The following WWC2 variants were observed in gnomAD, a reference collection of about 807,000 sequenced individuals.
WWC2 encodes the protein protein WWC2.
In WWC2, 101 loss-of-function variants were observed where a neutral mutation model predicts 138.5. That is an observed-to-expected ratio of 0.73 (90% CI 0.62 to 0.86). The LOEUF is 0.86. Among genes scored for constraint, WWC2 ranks in the 40% least tolerant of loss-of-function variants. The pLI is 0.00. For missense variants in WWC2, 1,420 were observed against 1,419.4 expected (o/e 1.00, Z -0.01); for synonymous variants, 558 against 538.4 (o/e 1.04, Z -0.50).
intron 1 of WWC2, among the ~76,000 whole-genome samples, chr4:183,113,654 C>T (rs978412899): frequency 2.6e-5 from 4 of 152,030 alleles, no homozygotes. Context: ...TCTGCAGCCT[C>T]CCAAAGTGCT....
At chr4:183,268,851 G>C (rs1411270170) in intron 14 of WWC2, 120 bp from the exon 15 acceptor site, 2 of 1,108,932 alleles carry the variant, frequency 1.8e-6, no homozygotes, top group Non-Finnish European at 2.6e-6. Flanking sequence ...CAACACTTTA[G>C]ATTGATCTTG....
At chr4:183,287,813 G>A (rs1738307375) in intron 20 of WWC2, among the ~76,000 whole-genome samples, 1 of 152,170 alleles carries the variant, frequency 6.6e-6, no homozygotes, top group Non-Finnish European at 1.5e-5. Flanking sequence ...GCTCACAAGA[G>A]CCAATTGTGC....
intron 21 of WWC2, among the ~76,000 whole-genome samples, chr4:183,309,248 G>A (rs74433229): frequency 0.02 from 3,048 of 152,172 alleles, 91 homozygotes; most frequent in African/African-American, 0.069. Context: ...GCTGGACTTC[G>A]TTATAATTTA....
intron 14 of WWC2, 106 bp from the exon 15 acceptor site, chr4:183,268,865 T>G (rs967496164): frequency 1.3e-5 from 16 of 1,211,292 alleles, no homozygotes; most frequent in South Asian, 1.3e-4. Flanking sequence ...GATCTTGAAC[T>G]CCACGATCCC....
intron 9 of WWC2, among the ~76,000 whole-genome samples, chr4:183,255,291 G>A (rs898730777): frequency 6.6e-6 from 1 of 152,188 alleles, no homozygotes; most frequent in African/African-American, 2.4e-5. Flanking sequence ...AGCCAGGCTG[G>A]CAAAGCAAGG....
chr4:183,099,709 G>T (rs1743100760), intron 1 of WWC2, 87 bp downstream of exon 1: 1 of 1,140,068 alleles, frequency 8.8e-7, no homozygotes. Flanking sequence ...CTGGGGCGGC[G>T]CCGGCCCGCG....
At chr4:183,238,337 T>A (rs1039239129) in intron 4 of WWC2, among the ~76,000 whole-genome samples, 2 of 152,160 alleles carry the variant, frequency 1.3e-5, no homozygotes, top group African/African-American at 4.8e-5. Context: ...CCTCTGGCTC[T>A]TGCCCACATG....
Position 183,261,065 on chromosome 4 carries a change from A to G in WWC2, c.1442A>G (p.Asp481Gly). ...AGTCAAAGTGATCAGATAGATGTGG[A>G]TTATCAGTATAAACTGGACTTCCTT... ...YSSQSDQIDV[D>G]YQYKLDFLLQ... is the part of the protein sequence containing the mutation. Residue 481 changes from aspartate (D) to glycine (G), a missense_variant, in exon 11 of 23, where the codon GAT becomes GGT. Physicochemically the swap from Asp to Gly is moderately conservative, Grantham distance 94 (BLOSUM62 -1). Transcript: ENST00000403733. 6.2e-7 allele frequency: 1 copy of G among 1,613,994 alleles called. No homozygotes were observed. The highest frequency in any genetic ancestry group is 1.1e-5 in the South Asian group (1 of 91,078).
intron 1 of WWC2, among the ~76,000 whole-genome samples, chr4:183,133,688 G>A (rs781013856): frequency 3.5e-4 from 54 of 152,148 alleles, no homozygotes; most frequent in Non-Finnish European, 6.9e-4. Flanking sequence ...GTAGAGACGG[G>A]GTTTCACCGT....
At position 183,209,007 on chromosome 4, in the gene WWC2, C is replaced by A; in HGVS notation, c.504C>A (p.Ile168=). The change falls in exon 4 of 23, where the codon ATC becomes ATA. Residue 168 remains isoleucine (I), a synonymous_variant. Transcript: ENST00000403733. The part of the protein sequence containing the change: ...KYDPDILKAE[I]STTRLRVKKL... ...ATCCCGATATTTTAAAAGCTGAGAT[C>A]TCCACTACAAGATTAAGGGTAAGAA... 1 of 1,571,960 alleles carries A rather than the reference C, an allele frequency of 6.4e-7. No homozygotes were observed. The highest frequency in any genetic ancestry group is 8.7e-7 in the Non-Finnish European group (1 of 1,155,840).
intron 16 of WWC2, 21 bp from the exon 17 acceptor site, chr4:183,280,755 C>T (rs765127190): frequency 1.0e-5 from 16 of 1,589,674 alleles, no homozygotes; most frequent in South Asian, 3.4e-5. Context: ...TGTTAATTGC[C>T]GTATGCTTTA....
chr4:183,242,468 G>A (rs1010206157), intron 5 of WWC2, among the ~76,000 whole-genome samples: 1 of 152,124 alleles, frequency 6.6e-6, no homozygotes, highest in Non-Finnish European at 1.5e-5. Flanking sequence ...TGTTCTCTAC[G>A]TTATTCATTT....
At chr4:183,154,697 A>G (rs574003689) in intron 1 of WWC2, among the ~76,000 whole-genome samples, 1 of 152,336 alleles carries the variant, frequency 6.6e-6, no homozygotes, top group South Asian at 2.1e-4. Flanking sequence ...TCTTCTGTCT[A>G]TGGTGGCATT....
At chr4:183,151,752 A>C (rs889579093) in intron 1 of WWC2, among the ~76,000 whole-genome samples, 25 of 152,254 alleles carry the variant, frequency 1.6e-4, no homozygotes, top group African/African-American at 4.1e-4. Flanking sequence ...TCAGCTTTCT[A>C]CATATGGCTA....
intron 1 of WWC2, among the ~76,000 whole-genome samples, chr4:183,142,310 A>G (rs746651025): frequency 2.0e-5 from 3 of 152,150 alleles, no homozygotes; most frequent in Non-Finnish European, 2.9e-5. Flanking sequence ...TGCAATACAC[A>G]TTTTCCTGTC....
At chr4:183,289,662 G>C (rs769315452) in intron 21 of WWC2, 27 bp downstream of exon 21, 1 of 1,607,516 alleles carries the variant, frequency 6.2e-7, no homozygotes, top group Non-Finnish European at 8.5e-7. Context: ...CTGTCATCTC[G>C]GAGGGGCTTA....
chr4:183,290,827 C>T (rs1324683114), intron 21 of WWC2, among the ~76,000 whole-genome samples: 1 of 152,184 alleles, frequency 6.6e-6, no homozygotes, highest in Non-Finnish European at 1.5e-5. Flanking sequence ...ATAAACTGCT[C>T]TTTTTGACCC....
intron 1 of WWC2, among the ~76,000 whole-genome samples, chr4:183,145,269 A>G (rs1375548621): frequency 6.6e-6 from 1 of 152,260 alleles, no homozygotes; most frequent in African/African-American, 2.4e-5. Flanking sequence ...GTAAGTGAAT[A>G]TAAATGGCAT....
intron 2 of WWC2, among the ~76,000 whole-genome samples, chr4:183,197,163 C>A (rs1455523415): frequency 6.6e-6 from 1 of 152,080 alleles, no homozygotes; most frequent in African/African-American, 2.4e-5. Context: ...TCAAAAAACA[C>A]CATTTTGAAT....
Sources: allele counts gnomAD v4.1 joint callset (sites outside exome capture counted in the v4.1 genomes callset), GRCh38; gene constraint gnomAD v4.1.1; transcripts MANE v1.5; gene names NCBI Gene and HGNC (gene_info 2026-07-23, HGNC 2026-07-21).